EMILIN2: variants seen among roughly 807,000 people sequenced by gnomAD.
EMILIN2 encodes EMILIN-2.
EMILIN2 carries 71 observed loss-of-function variants against 87.1 expected under a neutral mutation model. The ratio of observed to expected loss-of-function variants is 0.82; its 90% CI spans 0.67 to 0.99. EMILIN2 has a LOEUF of 0.99. Ranked by LOEUF, EMILIN2 falls within the 50% of genes least tolerant of loss-of-function variation. The probability of loss-of-function intolerance (pLI) is 0.00; values close to 1 mark genes in which losing one functional copy is unlikely to be tolerated. For missense variants in EMILIN2, 1,407 were observed against 1,371.8 expected (o/e 1.03, Z -0.40); for synonymous variants, 581 against 563.4 (o/e 1.03, Z -0.44).
rs112576328 is a variant in EMILIN2, at chr18:2,848,070, T to C, written c.257+139T>C. On this transcript the variant is annotated intron_variant, in intron 2 of 7. Coordinates refer to ENST00000254528, the MANE Select transcript of EMILIN2 (RefSeq NM_032048.3). This position sits in a 1 kb window ranked among gnomAD's most constrained non-coding sequence, Gnocchi z 4.1. ...TGAAAAGCCCGCAGCGGAAAAGCGC[T>C]CCGAGCGCTCGCGGGGCACCGGCCA... 1 of 1,180,530 alleles carries C rather than the reference T, an allele frequency of 8.5e-7. No homozygotes were observed. The allele number at this position is 1,180,530 out of a possible 1,614,324, so 73.1% of individuals were successfully genotyped here.
chr18:2,889,533 A>G lies in EMILIN2; in HGVS notation c.434-1028A>G, dbSNP rs142807688. Among the ~76,000 whole-genome samples the G allele has an allele frequency of 6.5e-3, 980 of 151,736 alleles. 4 individuals carry two copies. The highest frequency in any genetic ancestry group is 0.023 in the African/African-American group (933 of 41,378). ...AATAGTCTCCTTTTTATTTACCTCTATGTCTATCAATTTATCTTCATTTTA... is the reference window on the plus strand; with the variant it reads ...AATAGTCTCCTTTTTATTTACCTCTGTGTCTATCAATTTATCTTCATTTTA... On this transcript the variant is annotated intron_variant, in intron 3 of 7. Transcript: ENST00000254528.
chr18:2,858,579 G>GTATATA (rs1173565497), intron 2 of EMILIN2, among the ~76,000 whole-genome samples: 18 of 62,402 alleles, frequency 2.9e-4, no homozygotes, highest in Non-Finnish European at 3.7e-4. Flanking sequence ...ATGTGTGTGT[G>GTATATA]TGTGTATATA....
At position 2,858,555 on chromosome 18, in the gene EMILIN2, ATATATATATATATATG is replaced by A. The variant is rs1274580093; in HGVS notation, c.257+10626_257+10641del. ...TATATATATATATATATATATATAT[ATATATATATATATATG>A]TGTGTGTGTGTGTATATATATATAT... On this transcript the variant is annotated intron_variant, in intron 2 of 7. Transcript: ENST00000254528. Among the ~76,000 whole-genome samples, 108 of 52,296 alleles carry A rather than the reference ATATATATATATATATG, an allele frequency of 2.1e-3. 1 individual carries two copies. The highest frequency in any genetic ancestry group is 9.9e-3 in the Admixed American group (51 of 5,148). 34.3% of individuals were successfully genotyped at this position (52,296 alleles called of 152,430 possible). A position where few individuals can be genotyped will look rare whatever the true frequency, so the allele number is the denominator to read the frequency against.
At chr18:2,862,067 T>C (rs1283822801) in intron 2 of EMILIN2, among the ~76,000 whole-genome samples, 8 of 152,224 alleles carry the variant, frequency 5.3e-5, no homozygotes, top group Admixed American at 5.2e-4. Flanking sequence ...TGCTGGTGAT[T>C]TTTGCACATT....
intron 2 of EMILIN2, among the ~76,000 whole-genome samples, chr18:2,879,669 C>T (rs1021503509): frequency 1.3e-5 from 2 of 151,518 alleles, no homozygotes; most frequent in Admixed American, 6.6e-5. Flanking sequence ...CTCCCTGCCC[C>T]CAACACCCCC....
intron 2 of EMILIN2, among the ~76,000 whole-genome samples, chr18:2,858,557 A>ATGTGTG (rs1568454042): frequency 1.8e-5 from 1 of 54,534 alleles, no homozygotes; most frequent in African/African-American, 1.4e-4. Flanking sequence ...ATATATATAT[A>ATGTGTG]TATATATATA....
intron 5 of EMILIN2, among the ~76,000 whole-genome samples, chr18:2,908,246 C>T (rs1268466009): frequency 4.6e-5 from 7 of 152,218 alleles, no homozygotes; most frequent in African/African-American, 1.7e-4. Context: ...GTGCATGCAG[C>T]ACTCACCCAT....
At chr18:2,874,493 C>A (rs1031723045) in intron 2 of EMILIN2, among the ~76,000 whole-genome samples, 3 of 152,166 alleles carry the variant, frequency 2.0e-5, no homozygotes, top group African/African-American at 7.2e-5. Context: ...AAGCAGCCCC[C>A]TCCCCTCCTT....
At position 2,847,574 on chromosome 18, in the gene EMILIN2, G is replaced by C. The variant is rs2143940009; in HGVS notation, c.135-235G>C. Among the ~76,000 whole-genome samples the C allele has an allele frequency of 6.6e-6, 1 of 152,262 alleles. No individual in the cohort carries two copies. Among genetic ancestry groups the C allele is most frequent in the East Asian group, 1.9e-4 (1 of 5,132 alleles). ...CGAAAACGACTCCCAGGAATTCCAT[G>C]AGCCCCTGGGACCATGGGTGCTTTT... is the stretch of plus-strand genomic sequence containing the variant. On this transcript the variant is annotated intron_variant, in intron 1 of 7. Coordinates refer to ENST00000254528, the MANE Select transcript of EMILIN2 (RefSeq NM_032048.3). This position sits in a 1 kb window ranked among gnomAD's most constrained non-coding sequence, Gnocchi z 4.5.
chr18:2,882,407 C>T (rs1276287895), intron 2 of EMILIN2, among the ~76,000 whole-genome samples: 2 of 152,160 alleles, frequency 1.3e-5, no homozygotes, highest in African/African-American at 4.8e-5. Context: ...TATTTTTTCA[C>T]AGTTTCCTGG....
intron 4 of EMILIN2, among the ~76,000 whole-genome samples, chr18:2,899,556 G>A (rs554461872): frequency 1.3e-5 from 2 of 152,210 alleles, no homozygotes; most frequent in East Asian, 1.9e-4. Flanking sequence ...CCAGGCTGGA[G>A]TGCAGTGGCA....
rs1172838092 is a variant in EMILIN2, at chr18:2,914,776, G to A, written c.*1372G>A. The A allele has an allele frequency of 1.1e-5, 1 of 90,398 alleles. No homozygotes were observed. Among genetic ancestry groups the A allele is most frequent in the Non-Finnish European group, 2.4e-5 (1 of 41,328 alleles). 5.6% of individuals were successfully genotyped at this position (90,398 alleles called of 1,614,324 possible). ...CAGGGTGGCCACTGGACACTTCAGA[G>A]TTCCTTATTTACTCCCCCCGCCACA... On this transcript the variant is annotated 3_prime_UTR_variant, in exon 8 of 8. Transcript: ENST00000254528.
intron 4 of EMILIN2, 73 bp from the exon 5 acceptor site, chr18:2,906,710 G>T: frequency 8.7e-7 from 1 of 1,147,264 alleles, no homozygotes; most frequent in Non-Finnish European, 1.1e-6. Context: ...GACTCATGGA[G>T]GGGACCCTGA....
chr18:2,888,579 G>T (rs550338322), intron 3 of EMILIN2, among the ~76,000 whole-genome samples: 11 of 152,082 alleles, frequency 7.2e-5, no homozygotes, highest in Non-Finnish European at 1.6e-4. Context: ...GCCGGGCATG[G>T]TGGTGGGCAC....
rs1037269817 is a variant in EMILIN2 at position 2,890,307 on chromosome 18, G to T, written c.434-254G>T. On this transcript the variant is annotated intron_variant, in intron 3 of 7. Coordinates refer to ENST00000254528, the MANE Select transcript of EMILIN2 (RefSeq NM_032048.3). The surrounding 1 kb of genome is among the most constrained non-coding windows in gnomAD (Gnocchi z 4.7). ...AGCTGTTCTTCTTTATAGATGAGAG[G>T]ATTATAGTTCACAGAAGTTAGTTAA... 1.2e-4 allele frequency among the ~76,000 whole-genome samples: 18 copies of T among 152,126 alleles called. 1 individual carries two copies. Among genetic ancestry groups the T allele is most frequent in the Non-Finnish European group, 2.6e-4 (18 of 68,032 alleles).
At chr18:2,872,326 A>C (rs1007741395) in intron 2 of EMILIN2, among the ~76,000 whole-genome samples, 1 of 152,210 alleles carries the variant, frequency 6.6e-6, no homozygotes, top group African/African-American at 2.4e-5. Context: ...AAATTTGAAC[A>C]ACTGTCCATG....
chr18:2,883,931 G>T (rs1394260852), intron 2 of EMILIN2, among the ~76,000 whole-genome samples: 1 of 152,154 alleles, frequency 6.6e-6, no homozygotes, highest in Non-Finnish European at 1.5e-5. Flanking sequence ...ATGATGGAGA[G>T]CAGGGTGCCA....
upstream of EMILIN2, chr18:2,846,785 G>C (rs182363339): frequency 2.6e-5 from 26 of 985,298 alleles, no homozygotes; most frequent in Admixed American, 6.1e-5. This position sits in a 1 kb window ranked among gnomAD's most constrained non-coding sequence, Gnocchi z 5.3. Context: ...AGAGACCAAA[G>C]GAATGAGTCA....
chr18:2,877,744 C>T (rs1318680485), intron 2 of EMILIN2, among the ~76,000 whole-genome samples: 1 of 150,628 alleles, frequency 6.6e-6, no homozygotes, highest in Non-Finnish European at 1.5e-5. Flanking sequence ...CACCTCTGCA[C>T]TCCTGCCTGG....
Sources: gnomAD v4.1 joint callset for allele counts (sites outside exome capture counted in the v4.1 genomes callset) on GRCh38, gnomAD v4.1.1 for gene constraint, Gnocchi (gnomAD v3.1) non-coding constraint, MANE v1.5 for transcripts, NCBI Gene and HGNC (gene_info 2026-07-23, HGNC 2026-07-21) for gene names.